ZNF787: variants seen among roughly 807,000 people sequenced by gnomAD.
ZNF787 encodes the protein zinc finger protein 787.
ZNF787 carries 7 observed loss-of-function variants against 16.9 expected under a neutral mutation model. That is an observed-to-expected ratio of 0.42 (90% CI 0.24 to 0.78). The LOEUF (loss-of-function observed/expected upper bound fraction) is 0.78, where lower values mean the gene tolerates loss of function less well. ZNF787 is among the 30% of genes least tolerant of loss of function. ZNF787 has a pLI of 0.30. For missense variants in ZNF787, 551 were observed against 589.3 expected (o/e 0.94, Z 0.67); for synonymous variants, 345 against 270.9 (o/e 1.27, Z -2.69).
intron 1 of ZNF787, among the ~76,000 whole-genome samples, chr19:56,106,919 A>G (rs1402913686): frequency 6.6e-6 from 1 of 152,206 alleles, no homozygotes; most frequent in Non-Finnish European, 1.5e-5. Flanking sequence ...CCCTCCAGTG[A>G]CAAGAAGCTC....
chr19:56,112,470 ATTATTG>A (rs2030008638), intron 1 of ZNF787, among the ~76,000 whole-genome samples: 1 of 151,940 alleles, frequency 6.6e-6, no homozygotes, highest in Non-Finnish European at 1.5e-5. Context: ...AATGATTGTT[ATTATTG>A]TTGTTATTAA....
intron 1 of ZNF787, among the ~76,000 whole-genome samples, chr19:56,118,039 A>G (rs748463662): frequency 1.3e-5 from 2 of 152,244 alleles, no homozygotes; most frequent in Non-Finnish European, 2.9e-5. Context: ...AACAGCCTCA[A>G]GTTGCCAGGT....
At chr19:56,119,259 G>A (rs1171714313) in intron 1 of ZNF787, among the ~76,000 whole-genome samples, 2 of 152,254 alleles carry the variant, frequency 1.3e-5, no homozygotes, top group Non-Finnish European at 2.9e-5. Flanking sequence ...GCCCAGCACA[G>A]GGCCTGGCCT....
In ZNF787 at chr19:56,121,186, G is replaced by A. The variant is rs2123439328; in HGVS notation, c.-25C>T. On this transcript the variant is annotated 5_prime_UTR_variant, in exon 1 of 3. Transcript: ENST00000610935. ...CCACCCCTCACCTCCTTGGTCCCGGGGCCGCCGCGCCGCACTCCTCCTCCT... is the reference window on the plus strand; with the variant it reads ...CCACCCCTCACCTCCTTGGTCCCGGAGCCGCCGCGCCGCACTCCTCCTCCT... The A allele has an allele frequency of 6.7e-6, 1 of 148,478 alleles. No individual in the cohort carries two copies. The highest frequency in any genetic ancestry group is 2.1e-4 in the South Asian group (1 of 4,786). 9.2% of individuals were successfully genotyped at this position (148,478 alleles called of 1,614,324 possible).
At chr19:56,099,577 G>A (rs945871947) in intron 2 of ZNF787, among the ~76,000 whole-genome samples, 11 of 152,112 alleles carry the variant, frequency 7.2e-5, no homozygotes, top group African/African-American at 1.2e-4. Context: ...CAGGCATGGT[G>A]GCGGGTGCCT....
intron 1 of ZNF787, among the ~76,000 whole-genome samples, chr19:56,120,490 G>A (rs1473697230): frequency 6.6e-6 from 1 of 152,154 alleles, no homozygotes; most frequent in Non-Finnish European, 1.5e-5. Context: ...CGCTGGGGAC[G>A]CGCTTCCTCC....
At chr19:56,109,101 A>G (rs760366297) in intron 1 of ZNF787, among the ~76,000 whole-genome samples, 22 of 152,200 alleles carry the variant, frequency 1.4e-4, no homozygotes, top group Non-Finnish European at 2.8e-4. Context: ...CCCAACATCA[A>G]GAGTGAGAGT....
At chr19:56,090,039 G>A (rs2123388482) in intron 2 of ZNF787, among the ~76,000 whole-genome samples, 1 of 152,228 alleles carries the variant, frequency 6.6e-6, no homozygotes, top group South Asian at 2.1e-4. Flanking sequence ...GACACCCCAG[G>A]TGCACCCCAC....
chr19:56,091,390 A>G (rs1214540821), intron 2 of ZNF787, among the ~76,000 whole-genome samples: 2 of 152,232 alleles, frequency 1.3e-5, no homozygotes, highest in African/African-American at 4.8e-5. Context: ...AACTTGTGAC[A>G]CAGTGGCAGC....
At chr19:56,089,180 C>A (rs908204253) in intron 2 of ZNF787, 88 bp from the exon 3 acceptor site, 8 of 1,018,748 alleles carry the variant, frequency 7.9e-6, no homozygotes, top group African/African-American at 1.7e-5. Context: ...TCGGGTGCCT[C>A]GCTCCCCCTG....
intron 1 of ZNF787, among the ~76,000 whole-genome samples, chr19:56,115,844 G>A (rs2030120162): frequency 6.6e-6 from 1 of 152,206 alleles, no homozygotes; most frequent in South Asian, 2.1e-4. Flanking sequence ...GCAGGACTTG[G>A]TGCCTGCAGA....
At position 56,103,325 on chromosome 19, in the gene ZNF787, G is replaced by A. The variant is rs557475768; in HGVS notation, c.-10-98C>T. 14 of 1,071,326 alleles carry A rather than the reference G, an allele frequency of 1.3e-5. No individual in the cohort carries two copies. In the African/African-American group the frequency reaches 1.9e-4, roughly 15 times the overall value. 66.4% of individuals were successfully genotyped at this position (1,071,326 alleles called of 1,614,324 possible). A position where few individuals can be genotyped will look rare whatever the true frequency, so the allele number is the denominator to read the frequency against. On this transcript the variant is annotated intron_variant, in intron 1 of 2. Coordinates refer to ENST00000610935, the MANE Select transcript of ZNF787 (RefSeq NM_001002836.4). The stretch of plus-strand genomic sequence containing the variant: ...GCAGCCTGCAGACCCCGGCGTGACA[G>A]GCACAGCGCCCGGCAGACAAGGCAC...
At chr19:56,115,834 G>A (rs988383511) in intron 1 of ZNF787, among the ~76,000 whole-genome samples, 6 of 152,194 alleles carry the variant, frequency 3.9e-5, no homozygotes, top group South Asian at 2.1e-4. Context: ...GGCACAGCCC[G>A]CAGGACTTGG....
At chr19:56,109,136 A>T (rs763845156) in intron 1 of ZNF787, among the ~76,000 whole-genome samples, 7 of 152,114 alleles carry the variant, frequency 4.6e-5, no homozygotes, top group African/African-American at 1.7e-4. Flanking sequence ...TCTTATGTTC[A>T]TTTTCCTAAT....
intron 2 of ZNF787, among the ~76,000 whole-genome samples, chr19:56,098,500 G>A (rs975801195): frequency 4.0e-5 from 6 of 149,720 alleles, no homozygotes; most frequent in East Asian, 2.0e-4. Context: ...GGGTGATTAC[G>A]GCCGCAGGGT....
At chr19:56,103,110 G>A in intron 2 of ZNF787, 29 bp downstream of exon 2, 1 of 1,611,246 alleles carries the variant, frequency 6.2e-7, no homozygotes, top group Non-Finnish European at 8.5e-7. Context: ...AGGCAGCGGG[G>A]TCGGCTGGGA....
At chr19:56,110,451 G>C (rs1434912803) in intron 1 of ZNF787, among the ~76,000 whole-genome samples, 1 of 151,664 alleles carries the variant, frequency 6.6e-6, no homozygotes, top group Non-Finnish European at 1.5e-5. Flanking sequence ...TTTAAAAATT[G>C]TACAGGCTTT....
intron 1 of ZNF787, among the ~76,000 whole-genome samples, chr19:56,117,672 G>A (rs188438823): frequency 1.3e-3 from 197 of 152,342 alleles, no homozygotes; most frequent in African/African-American, 3.8e-3. Flanking sequence ...CCTGTGTCCC[G>A]CAGGGGGATC....
chr19:56,107,522 C>CA (rs2029874435), intron 1 of ZNF787, among the ~76,000 whole-genome samples: 1 of 138,862 alleles, frequency 7.2e-6, no homozygotes, highest in Non-Finnish European at 1.6e-5. Context: ...ACAATGGGGT[C>CA]ACTGGGAGAA....
Sources: gnomAD v4.1 joint callset for allele counts (sites outside exome capture counted in the v4.1 genomes callset) on GRCh38, gnomAD v4.1.1 for gene constraint, MANE v1.5 for transcripts, NCBI Gene and HGNC (gene_info 2026-07-23, HGNC 2026-07-21) for gene names.